The following TMC3 variants were observed in gnomAD, a reference collection of about 807,000 sequenced individuals.
TMC3 encodes transmembrane channel-like protein 3.
Under a neutral mutation model 110.6 loss-of-function variants are expected in TMC3, and 98 were observed. That is an observed-to-expected ratio of 0.89 (90% CI 0.75 to 1.05). The LOEUF is 1.05. Ranked by LOEUF, TMC3 falls within the 50% of genes least tolerant of loss-of-function variation. The pLI is 0.00. For missense variants in TMC3, 1,319 were observed against 1,373.2 expected (o/e 0.96, Z 0.62); for synonymous variants, 489 against 513.1 (o/e 0.95, Z 0.63).
rs781401442 is a variant in TMC3, at chr15:81,333,055, G to T, written c.2667C>A (p.Val889=). ...TCTTGTAAGAGTCACATTCATTAATGACATAGTATCTGGGGGCGTGGGGCC... is the reference window on the plus strand; with the variant it reads ...TCTTGTAAGAGTCACATTCATTAATTACATAGTATCTGGGGGCGTGGGGCC... ...GPRPHAPRYY[V]INECDSYKKK... is the part of the protein sequence containing the mutation. The change falls in exon 22 of 22, where the codon GTC becomes GTA. Residue 889 remains valine (V), a synonymous_variant. Coordinates refer to ENST00000359440, the MANE Select transcript of TMC3 (RefSeq NM_001080532.3). 4.3e-6 allele frequency: 7 copies of T among 1,613,906 alleles called. No individual in the cohort carries two copies. The African/African-American group carries it at 9.3e-5, about 22-fold the overall frequency.
chr15:81,343,068 A>T, intron 15 of TMC3: 1 of 499,656 alleles, frequency 2.0e-6, no homozygotes, highest in East Asian at 3.1e-5. Flanking sequence ...AGTAGCTTAA[A>T]CATGGATTAT....
Position 81,358,273 on chromosome 15 carries a change from CA to C in TMC3, c.618del (p.Val207SerfsTer26), listed in dbSNP as rs747375709. On this transcript the variant is annotated frameshift_variant, in exon 7 of 22. Coordinates refer to ENST00000359440, the MANE Select transcript of TMC3 (RefSeq NM_001080532.3). LOFTEE classifies it high-confidence loss of function. ...VWSLGGYLQYSVLFYGYYGRE... is the reference protein window; with the variant it reads ...VWSLGGYLQYXVLFYGYYGRE... The stretch of plus-strand genomic sequence containing the variant: ...CTGCCGTAATATCCGTAGAAGAGGA[CA>C]GAGTACTGGAGGTAGCCCTGCAAAG... 6.2e-7 allele frequency: 1 copy of C among 1,610,930 alleles called. No individual in the cohort carries two copies. The highest frequency in any genetic ancestry group is 8.5e-7 in the Non-Finnish European group (1 of 1,178,762).
rs1323896842 is a variant in TMC3, at chr15:81,331,233, AG to A, written c.*1185del. The A allele has an allele frequency of 1.3e-5, 2 of 152,250 alleles. No individual in the cohort carries two copies. Among genetic ancestry groups the A allele is most frequent in the Non-Finnish European group, 2.9e-5 (2 of 68,044 alleles). The allele number at this position is 152,250 out of a possible 1,614,324, so 9.4% of individuals were successfully genotyped here. The stretch of plus-strand genomic sequence containing the variant: ...TACGCGAGGCAGGAAGCGTACTTAC[AG>A]AAGCGAGAGCAAAGGCAGTTGTTCA... On this transcript the variant is annotated 3_prime_UTR_variant, in exon 22 of 22. Transcript: ENST00000359440.
intron 3 of TMC3, among the ~76,000 whole-genome samples, chr15:81,364,591 G>T (rs977250421): frequency 4.0e-5 from 6 of 149,888 alleles, no homozygotes; most frequent in Admixed American, 1.3e-4. Context: ...TAGATGACAC[G>T]TTAGTGGGTG....
intron 4 of TMC3, among the ~76,000 whole-genome samples, chr15:81,360,935 A>G (rs553210149): frequency 1.3e-5 from 2 of 151,608 alleles, no homozygotes; most frequent in East Asian, 3.9e-4. Flanking sequence ...AATGGCAGCT[A>G]CTACAGCCTT....
intron 15 of TMC3, 134 bp from the exon 16 acceptor site, chr15:81,341,652 C>T (rs1893719185): frequency 6.5e-6 from 6 of 928,678 alleles, no homozygotes; most frequent in Admixed American, 3.0e-5. Context: ...TGGAAAAGCC[C>T]CTGAAGTCCC....
intron 10 of TMC3, among the ~76,000 whole-genome samples, chr15:81,350,582 T>C (rs1893926812): frequency 1.3e-5 from 2 of 152,230 alleles, no homozygotes; most frequent in Non-Finnish European, 2.9e-5. Flanking sequence ...TGGCATAAAA[T>C]AGAGGCATGG....
In TMC3 at chr15:81,335,079, C is replaced by T. The variant is rs756744603; in HGVS notation, c.2204-104G>A. 8.2e-5 allele frequency: 108 copies of T among 1,311,690 alleles called. 1 individual carries two copies. The highest frequency in any genetic ancestry group is 7.1e-4 in the African/African-American group (48 of 67,938). The allele number at this position is 1,311,690 out of a possible 1,614,324, so 81.3% of individuals were successfully genotyped here. On this transcript the variant is annotated intron_variant, in intron 20 of 21. Coordinates refer to ENST00000359440, the MANE Select transcript of TMC3 (RefSeq NM_001080532.3). ...GTTTTATGACATCCAAGAGTTGGTC[C>T]GCAAACAATTGAGTGCACTTACAAA...
intron 18 of TMC3, among the ~76,000 whole-genome samples, chr15:81,338,318 A>G (rs1442585455): frequency 6.6e-6 from 1 of 152,150 alleles, no homozygotes; most frequent in Admixed American, 6.5e-5. Flanking sequence ...ATTCCTTTTC[A>G]GGATTATTTA....
chr15:81,341,751 C>G (rs1893721852), intron 15 of TMC3: 1 of 298,592 alleles, frequency 3.3e-6, no homozygotes, highest in Non-Finnish European at 6.3e-6. Flanking sequence ...TTGCAAAGGA[C>G]AACTGTTTGT....
rs7161991 is a variant in TMC3, at chr15:81,343,926, C to T, written c.1638G>A (p.Glu546=). The T allele has an allele frequency of 0.84, 1,352,121 of 1,611,310 alleles. 572,999 individuals carry two copies. Among genetic ancestry groups the T allele is most frequent in the African/African-American group, 0.89 (66,773 of 74,970 alleles). ...YLSDYWCWDL[E]SKFPEYGEFK... ...ACAGCATTTTACTTACAAACTTGCT[C>T]TCCAGATCCCAACACCAGTAGTCAC... is the stretch of plus-strand genomic sequence containing the variant. Residue 546 remains glutamate, a synonymous_variant, in exon 14 of 22, where the codon GAG becomes GAA. Transcript: ENST00000359440.
intron 19 of TMC3, among the ~76,000 whole-genome samples, chr15:81,337,068 G>GTT (rs35324508): frequency 1.4e-4 from 20 of 147,804 alleles, no homozygotes; most frequent in South Asian, 2.1e-4. Context: ...TTCATGGGAA[G>GTT]TTTTTTTTTT....
intron 10 of TMC3, among the ~76,000 whole-genome samples, chr15:81,351,468 C>T (rs1377936568): frequency 6.6e-6 from 1 of 151,444 alleles, no homozygotes; most frequent in African/African-American, 2.4e-5. Flanking sequence ...TCTCCTGCCT[C>T]AGCCTCCTGA....
intron 10 of TMC3, among the ~76,000 whole-genome samples, chr15:81,350,188 T>C (rs1327032906): frequency 6.6e-6 from 1 of 151,886 alleles, no homozygotes; most frequent in Non-Finnish European, 1.5e-5. Flanking sequence ...TGACCTGTGA[T>C]TGGATCACTG....
Position 81,332,651 on chromosome 15 carries a change from G to A in TMC3, c.3071C>T (p.Pro1024Leu). ...PRSRNFQYPQ[P>L]PLKPRGKPRF... ...GGGCTTCCCTCTGGGCTTCAGAGGGGGCTGTGGGTATTGGAAATTCCGGGA... is the reference window on the plus strand; with the variant it reads ...GGGCTTCCCTCTGGGCTTCAGAGGGAGCTGTGGGTATTGGAAATTCCGGGA... The change falls in exon 22 of 22, where the codon CCC becomes CTC. Residue 1024 changes from proline (P) to leucine (L), a missense_variant. Physicochemically the swap from Pro to Leu is moderately conservative, Grantham distance 98. Transcript: ENST00000359440. The A allele has an allele frequency of 1.2e-6, 2 of 1,614,040 alleles. No homozygotes were observed. The highest frequency in any genetic ancestry group is 4.5e-5 in the East Asian group (2 of 44,882).
chr15:81,332,119 C>T lies in TMC3; in HGVS notation c.*300G>A. 1 of 325,136 alleles carries T rather than the reference C, an allele frequency of 3.1e-6. No individual in the cohort carries two copies. Among genetic ancestry groups the T allele is most frequent in the East Asian group, 5.5e-5 (1 of 18,318 alleles). 20.1% of individuals were successfully genotyped at this position (325,136 alleles called of 1,614,324 possible). A position where few individuals can be genotyped will look rare whatever the true frequency, so the allele number is the denominator to read the frequency against. ...CCTCAGTCTCTCCTTCTGTCTTGAG[C>T]CCCTCTGCCAAATTCTTTCTTCCGA... is the stretch of plus-strand genomic sequence containing the variant. On this transcript the variant is annotated 3_prime_UTR_variant, in exon 22 of 22. Coordinates refer to ENST00000359440, the MANE Select transcript of TMC3 (RefSeq NM_001080532.3).
Position 81,332,950 on chromosome 15 carries a change from G to T in TMC3, c.2772C>A (p.Asn924Lys). 6.2e-7 allele frequency: 1 copy of T among 1,612,406 alleles called. No individual in the cohort carries two copies. The highest frequency in any genetic ancestry group is 8.5e-7 in the Non-Finnish European group (1 of 1,179,212). ...GGACCCGGGATGCATATTGTCGCAC[G>T]TTCCTGGGGTACAGCTCCACAATGT... ...SGDIVELYPR[N>K]VRQYASRVPR... Residue 924 changes from asparagine (N) to lysine (K), a missense_variant, in exon 22 of 22, where the codon AAC (asparagine) becomes AAA (lysine). Transcript: ENST00000359440.
At chr15:81,352,873 G>T (rs985380594) in intron 9 of TMC3, among the ~76,000 whole-genome samples, 1 of 152,236 alleles carries the variant, frequency 6.6e-6, no homozygotes, top group Non-Finnish European at 1.5e-5. Context: ...AGGCTGGAGT[G>T]CAATAGCACA....
intron 1 of TMC3, 57 bp downstream of exon 1, chr15:81,373,932 C>A: frequency 6.6e-7 from 1 of 1,512,408 alleles, no homozygotes. Context: ...GTGACCCATG[C>A]ATTCCTTCCT....
Sources: allele counts gnomAD v4.1 joint callset (sites outside exome capture counted in the v4.1 genomes callset), GRCh38; gene constraint gnomAD v4.1.1; transcripts MANE v1.5; gene names NCBI Gene and HGNC (gene_info 2026-07-23, HGNC 2026-07-21).